ACOT11: variants seen among roughly 807,000 people sequenced by gnomAD.
The protein encoded by ACOT11 is acyl-coenzyme A thioesterase 11.
In ACOT11, 69 loss-of-function variants were observed where a neutral mutation model predicts 77.5. That is an observed-to-expected ratio of 0.89 (90% CI 0.73 to 1.09). The LOEUF (loss-of-function observed/expected upper bound fraction) is 1.09, where lower values mean the gene tolerates loss of function less well. Among genes scored for constraint, ACOT11 ranks in the 50% least tolerant of loss-of-function variants. The probability of loss-of-function intolerance (pLI) is 0.00; values close to 1 mark genes in which losing one functional copy is unlikely to be tolerated. For synonymous variants in ACOT11, 279 were observed against 313.0 expected (o/e 0.89, Z 1.15); for missense variants, 766 against 813.7 (o/e 0.94, Z 0.71).
At position 54,607,224 on chromosome 1, in the gene ACOT11, C is replaced by T. The variant is rs1332767253; in HGVS notation, c.1461C>T (p.Asp487=). The T allele has an allele frequency of 6.2e-7, 1 of 1,614,204 alleles. No individual in the cohort carries two copies. Among genetic ancestry groups the T allele is most frequent in the Non-Finnish European group, 8.5e-7 (1 of 1,180,038 alleles). ...TCGGAGGTCACACAAAGCCCCAGGA[C>T]TTCGTGATCCTGGCCTCGAGGCGGA... is the stretch of plus-strand genomic sequence containing the variant. The part of the protein sequence containing the change: ...PALGGHTKPQ[D]FVILASRRKP... Residue 487 remains aspartate (D), a synonymous_variant, in exon 14 of 16, where the codon GAC becomes GAT. Coordinates refer to ENST00000343744, the MANE Select transcript of ACOT11 (RefSeq NM_147161.4). This position sits in a 1 kb window ranked among gnomAD's most constrained non-coding sequence, Gnocchi z 4.5.
chr1:54,586,226 A>C (rs2304309), intron 3 of ACOT11, among the ~76,000 whole-genome samples: 6,682 of 152,158 alleles, frequency 0.044, 276 homozygotes, highest in East Asian at 0.18. Context: ...TCTCATCTGC[A>C]GAATGGATGG....
intron 15 of ACOT11, chr1:54,619,810 C>T: frequency 6.3e-7 from 1 of 1,581,596 alleles, no homozygotes; most frequent in Non-Finnish European, 8.6e-7. Flanking sequence ...TTCTCTCCCT[C>T]TGTCTTCTCT....
In ACOT11 at chr1:54,568,232, A is replaced by C. The variant is rs576625248; in HGVS notation, c.34-16423A>C. ...AGCCTAAAGAAGCTCCTCCCTGTCC[A>C]CCACCTTCTTTCTGTTACATCCCGT... On this transcript the variant is annotated intron_variant, in intron 1 of 15. Transcript: ENST00000343744. Among the ~76,000 whole-genome samples, 24 of 152,022 alleles carry C rather than the reference A, an allele frequency of 1.6e-4. No individual in the cohort carries two copies. The East Asian group carries it at 4.6e-3, about 29-fold the overall frequency.
intron 15 of ACOT11, chr1:54,623,388 C>T (rs769694223): frequency 1.2e-6 from 2 of 1,613,266 alleles, no homozygotes; most frequent in East Asian, 2.2e-5. Flanking sequence ...CTGCTCCCTG[C>T]AGACCATGGC....
intron 1 of ACOT11, among the ~76,000 whole-genome samples, chr1:54,570,321 T>C (rs922925193): frequency 6.6e-6 from 1 of 152,184 alleles, no homozygotes; most frequent in Non-Finnish European, 1.5e-5. Flanking sequence ...AATTCTGTCT[T>C]GGTAGAGAGA....
intron 7 of ACOT11, 42 bp downstream of exon 7, chr1:54,597,457 C>A: frequency 6.4e-7 from 1 of 1,554,112 alleles, no homozygotes; most frequent in Non-Finnish European, 8.7e-7. Flanking sequence ...CTCCTTTCTC[C>A]TCCTCCTCCC....
chr1:54,623,508 C>G (rs1255182275), intron 15 of ACOT11: 3 of 783,872 alleles, frequency 3.8e-6, no homozygotes, highest in Non-Finnish European at 2.2e-6. Context: ...TAATTCTCCA[C>G]CGGGCCTGGT....
chr1:54,619,864 T>C lies in ACOT11; in HGVS notation c.1630-10870T>C, dbSNP rs200790200. On this transcript the variant is annotated intron_variant, in intron 15 of 16. Coordinates refer to the ACOT11 transcript ENST00000371316. ...CCTCAGTCTTGGCAGCTGGACTTAC[T>C]GTTCAGGGCAGCTGTCATGGCTTTC... The C allele has an allele frequency of 2.4e-4, 394 of 1,613,860 alleles. 3 individuals carry two copies. In the South Asian group the frequency reaches 3.3e-3, roughly 13 times the overall value.
intron 1 of ACOT11, among the ~76,000 whole-genome samples, chr1:54,549,475 C>T (rs1652988763): frequency 6.6e-6 from 1 of 152,148 alleles, no homozygotes; most frequent in Admixed American, 6.5e-5. Flanking sequence ...CCGGAGTTAC[C>T]CCCAGCCTTC....
Position 54,609,594 on chromosome 1 carries a change from G to C in ACOT11, c.*482G>C, listed in dbSNP as rs768857868. The C allele has an allele frequency of 1.9e-6, 3 of 1,613,230 alleles. No homozygotes were observed. Among genetic ancestry groups the C allele is most frequent in the Non-Finnish European group, 2.5e-6 (3 of 1,180,044 alleles). Reference sequence around the variant, plus strand: ...CCCAGCACCTCCTCAGGCCAGCCTGGTGCCACAGTCACGTGGGGGAAGACC... The same window carrying C: ...CCCAGCACCTCCTCAGGCCAGCCTGCTGCCACAGTCACGTGGGGGAAGACC... On this transcript the variant is annotated 3_prime_UTR_variant, in exon 16 of 16. Transcript: ENST00000343744.
chr1:54,601,279 G>A lies in ACOT11; in HGVS notation c.895G>A (p.Gly299Ser), dbSNP rs780606994. Residue 299 changes from glycine to serine, a missense_variant, in exon 9 of 16, where the codon GGC becomes AGC. Physicochemically the swap from Gly to Ser is moderately conservative, Grantham distance 56. Coordinates refer to ENST00000343744, the MANE Select transcript of ACOT11 (RefSeq NM_147161.4). ...NNAFKHSMEV[G>S]VCVEAYRQEA... The stretch of plus-strand genomic sequence containing the variant: ...ACTCCCTCCCCTCAGCATGGAGGTG[G>A]GCGTGTGCGTGGAGGCCTATCGCCA... The A allele has an allele frequency of 4.3e-6, 7 of 1,611,312 alleles. No individual in the cohort carries two copies. The highest frequency in any genetic ancestry group is 1.3e-5 in the African/African-American group (1 of 74,926).
At chr1:54,558,836 T>A (rs1653361958) in intron 1 of ACOT11, among the ~76,000 whole-genome samples, 1 of 152,178 alleles carries the variant, frequency 6.6e-6, no homozygotes, top group African/African-American at 2.4e-5. Context: ...GTGGGTCATG[T>A]TGTCTTGCCT....
downstream of ACOT11, among the ~76,000 whole-genome samples, chr1:54,611,222 G>A (rs1292395814): frequency 6.6e-6 from 1 of 152,002 alleles, no homozygotes; most frequent in Non-Finnish European, 1.5e-5. Context: ...TCACTTGAGG[G>A]CAGAAGTTCG....
At chr1:54,564,689 C>G (rs779138406) in intron 1 of ACOT11, among the ~76,000 whole-genome samples, 1 of 152,154 alleles carries the variant, frequency 6.6e-6, no homozygotes, top group Non-Finnish European at 1.5e-5. Flanking sequence ...GATACAGCCC[C>G]GTGAGTGGTG....
chr1:54,638,334 G>T (rs549832051), exon 17 of ACOT11: 3 of 152,214 alleles, frequency 2.0e-5, no homozygotes, highest in East Asian at 3.9e-4. Context: ...ATAATTTTTT[G>T]GCAAACAAAA....
downstream of ACOT11, chr1:54,610,960 G>A: frequency 4.1e-6 from 4 of 985,394 alleles, no homozygotes; most frequent in South Asian, 1.4e-4. Context: ...ATACAGTGGA[G>A]GCCTCTGAAA....
At chr1:54,580,125 C>T (rs74873311) in intron 1 of ACOT11, among the ~76,000 whole-genome samples, 3,003 of 152,168 alleles carry the variant, frequency 0.02, 90 homozygotes, top group African/African-American at 0.069. Context: ...GACAGGAAAC[C>T]GAGACCCATA....
intron 16 of ACOT11, among the ~76,000 whole-genome samples, chr1:54,633,836 G>A (rs1045376393): frequency 6.6e-6 from 1 of 152,190 alleles, no homozygotes; most frequent in Non-Finnish European, 1.5e-5. Context: ...TCGGCAATTA[G>A]CAAAAGAGGC....
At chr1:54,610,813 G>A (rs1010230102), downstream of ACOT11, 390 of 985,264 alleles carry the variant, frequency 4.0e-4, no homozygotes, top group Non-Finnish European at 4.5e-4. Context: ...TATCCTTCCC[G>A]CTCGCTTAGG....
Sources: allele counts gnomAD v4.1 joint callset (sites outside exome capture counted in the v4.1 genomes callset), GRCh38; gene constraint gnomAD v4.1.1; non-coding constraint Gnocchi (gnomAD v3.1); transcripts MANE v1.5; gene names NCBI Gene and HGNC (gene_info 2026-07-23, HGNC 2026-07-21).